Variants in LAMA3 observed in about 807,000 individuals in gnomAD.
LAMA3 encodes laminin subunit alpha-3.
In LAMA3, 281 loss-of-function variants were observed where a neutral mutation model predicts 402.0. The observed-to-expected ratio is 0.70, with a 90% CI of 0.63 to 0.77. LAMA3 has a LOEUF of 0.77. Among genes scored for constraint, LAMA3 ranks in the 30% least tolerant of loss-of-function variants. LAMA3 has a pLI of 0.00. For synonymous variants in LAMA3, 1,431 were observed against 1,558.4 expected (o/e 0.92, Z 1.93); for missense variants, 3,840 against 4,215.5 (o/e 0.91, Z 2.47).
At chr18:23,793,844 C>G (rs1027919040) in intron 12 of LAMA3, among the ~76,000 whole-genome samples, 16 of 152,198 alleles carry the variant, frequency 1.1e-4, no homozygotes, top group African/African-American at 3.6e-4. Flanking sequence ...CTTCCCTCAC[C>G]ATCAGTTGCA....
In LAMA3 at chr18:23,749,461, G is replaced by A. The variant is rs78284895; in HGVS notation, c.599G>A (p.Arg200Gln). The change falls in exon 4 of 75, where the codon CGG becomes CAG. Residue 200 changes from arginine (R) to glutamine (Q), a missense_variant. By Grantham distance (43) the Arg-to-Gln change is conservative (BLOSUM62 1). This residue lies in a region of LAMA3 where 2,109 missense variants were observed against 2,376.0 expected (regional missense o/e 0.89). Transcript: ENST00000313654. ...SKVDCLKEFG[R>Q]EANMAVTRDD... ...GTAGACTGTTTAAAAGAATTTGGGC[G>A]GGAGGCAAATATGGCTGTCACCCGG... 352 of 1,609,752 alleles carry A rather than the reference G, an allele frequency of 2.2e-4. 1 individual carries two copies. The African/African-American group carries it at 3.8e-3, about 17-fold the overall frequency.
intron 2 of LAMA3, among the ~76,000 whole-genome samples, chr18:23,744,451 A>T (rs2061613242): frequency 6.6e-6 from 1 of 152,132 alleles, no homozygotes; most frequent in Non-Finnish European, 1.5e-5. Context: ...GGACTTATTA[A>T]GTTAGGCCTG....
intron 12 of LAMA3, among the ~76,000 whole-genome samples, chr18:23,803,375 C>T (rs781008939): frequency 1.3e-5 from 2 of 152,164 alleles, no homozygotes; most frequent in Non-Finnish European, 2.9e-5. Context: ...GGATAAACTC[C>T]ATCCCTGCCC....
At chr18:23,765,551 C>T (rs544087664) in intron 8 of LAMA3, among the ~76,000 whole-genome samples, 2 of 152,300 alleles carry the variant, frequency 1.3e-5, no homozygotes, top group Admixed American at 1.3e-4. Flanking sequence ...GTCTAGGCTA[C>T]AACCCTAGAT....
At chr18:23,792,854 A>G (rs1336544802) in intron 12 of LAMA3, among the ~76,000 whole-genome samples, 1 of 152,188 alleles carries the variant, frequency 6.6e-6, no homozygotes, top group African/African-American at 2.4e-5. Context: ...CAGAGACATC[A>G]GGAGATCCCA....
chr18:23,895,095 G>C (rs1489733628), intron 44 of LAMA3, 37 bp downstream of exon 44: 1 of 1,557,910 alleles, frequency 6.4e-7, no homozygotes, highest in Non-Finnish European at 8.7e-7. Flanking sequence ...CACGTGGGGA[G>C]GAGATGCTGC....
chr18:23,728,750 G>A (rs924536617), intron 2 of LAMA3, among the ~76,000 whole-genome samples: 3 of 152,160 alleles, frequency 2.0e-5, no homozygotes, highest in East Asian at 3.9e-4. Flanking sequence ...GAAGGGAAAC[G>A]GCTGGTGCAG....
chr18:23,862,659 G>A (rs1449032168), intron 35 of LAMA3, among the ~76,000 whole-genome samples: 1 of 152,106 alleles, frequency 6.6e-6, no homozygotes, highest in Non-Finnish European at 1.5e-5. Context: ...CTATATGACG[G>A]GCCCATGTGT....
At chr18:23,891,561 G>T (rs999993989) in intron 42 of LAMA3, among the ~76,000 whole-genome samples, 1 of 152,158 alleles carries the variant, frequency 6.6e-6, no homozygotes, top group Non-Finnish European at 1.5e-5. Context: ...TGCCTCCCAT[G>T]ACATTAAGAA....
At chr18:23,891,717 G>A (rs527634008) in intron 42 of LAMA3, among the ~76,000 whole-genome samples, 1 of 152,312 alleles carries the variant, frequency 6.6e-6, no homozygotes, top group Middle Eastern at 3.4e-3. Context: ...TTAGTAGCAG[G>A]AGGTGTAAAA....
At position 23,954,814 on chromosome 18, in the gene LAMA3, T is replaced by G. The variant is rs1599199717; in HGVS notation, c.*166T>G. On this transcript the variant is annotated 3_prime_UTR_variant, in exon 75 of 75. Coordinates refer to ENST00000313654, the MANE Select transcript of LAMA3 (RefSeq NM_198129.4). The stretch of plus-strand genomic sequence containing the variant: ...CCATGGATACCCATCACTTTGGCAT[T>G]CAGTGCTACATGTGTATTTTATATA... The G allele has an allele frequency of 4.2e-6, 3 of 715,686 alleles. No homozygotes were observed. The East Asian group carries it at 7.9e-5, about 19-fold the overall frequency. The allele number at this position is 715,686 out of a possible 1,614,324, so 44.3% of individuals were successfully genotyped here. A position where few individuals can be genotyped will look rare whatever the true frequency, so the allele number is the denominator to read the frequency against.
At chr18:23,947,219 C>T (rs985968156) in intron 70 of LAMA3, among the ~76,000 whole-genome samples, 1 of 152,120 alleles carries the variant, frequency 6.6e-6, no homozygotes, top group Non-Finnish European at 1.5e-5. Context: ...TCTCCTACCC[C>T]CTGCCACAGC....
rs761730740 is a variant in LAMA3, at chr18:23,907,640, G to A, written c.6809G>A (p.Arg2270Gln). 36 of 1,613,280 alleles carry A rather than the reference G, an allele frequency of 2.2e-5. No homozygotes were observed. Among genetic ancestry groups the A allele is most frequent in the East Asian group, 6.7e-5 (3 of 44,902 alleles). ...ATAGACACCAATCTCACAACTCTCC[G>A]AGATGGTCTTCATGGGATACAGAGA... ...EVIDTNLTTL[R>Q]DGLHGIQRGD... Residue 2270 changes from arginine to glutamine, a missense_variant, in exon 53 of 75, where the codon CGA (arginine) becomes CAA (glutamine). By Grantham distance (43) the Arg-to-Gln change is conservative. Coordinates refer to ENST00000313654, the MANE Select transcript of LAMA3 (RefSeq NM_198129.4).
chr18:23,787,392 A>C (rs1265052710), intron 12 of LAMA3, among the ~76,000 whole-genome samples: 2 of 152,240 alleles, frequency 1.3e-5, no homozygotes, highest in Admixed American at 6.5e-5. Context: ...ATAGAAAAAA[A>C]TAGCCAAAGA....
chr18:23,712,607 A>C (rs140172654), intron 1 of LAMA3, among the ~76,000 whole-genome samples: 1 of 149,414 alleles, frequency 6.7e-6, no homozygotes, highest in Non-Finnish European at 1.5e-5. Context: ...ACTGCTTCTG[A>C]GTTATAGAAC....
At chr18:23,858,035 A>G in intron 33 of LAMA3, 47 bp downstream of exon 33, 3 of 1,612,232 alleles carry the variant, frequency 1.9e-6, no homozygotes, top group Non-Finnish European at 2.5e-6. Context: ...GGTCAGCAGG[A>G]AAGTGCTTCA....
At position 23,842,680 on chromosome 18, in the gene LAMA3, T is replaced by C. The variant is rs758836153; in HGVS notation, c.3533T>C (p.Ile1178Thr). The change falls in exon 29 of 75, where the codon ATT becomes ACT. Residue 1178 changes from isoleucine to threonine, a missense_variant. Coordinates refer to ENST00000313654, the MANE Select transcript of LAMA3 (RefSeq NM_198129.4). ...CRDQVIAEGQ[I>T]EFDISEPEVA... Reference sequence around the variant, plus strand: ...GATCAAGTGATTGCCGAAGGCCAGATTGAGTTTGACATCTCAGAGCCTGAA... The same window carrying C: ...GATCAAGTGATTGCCGAAGGCCAGACTGAGTTTGACATCTCAGAGCCTGAA... The C allele has an allele frequency of 5.6e-6, 9 of 1,614,086 alleles. No homozygotes were observed. Among genetic ancestry groups the C allele is most frequent in the Middle Eastern group, 1.6e-4 (1 of 6,084 alleles).
At chr18:23,835,081 G>T (rs1161920508) in intron 24 of LAMA3, among the ~76,000 whole-genome samples, 1 of 152,228 alleles carries the variant, frequency 6.6e-6, no homozygotes, top group African/African-American at 2.4e-5. Flanking sequence ...AGCGGTATCT[G>T]TCTATAGATG....
chr18:23,856,002 C>T (rs531471277), intron 32 of LAMA3, among the ~76,000 whole-genome samples: 1 of 152,294 alleles, frequency 6.6e-6, no homozygotes, highest in East Asian at 1.9e-4. Context: ...CAAATACTTA[C>T]GTGTGTGCAA....
Sources: gnomAD v4.1 joint callset for allele counts (sites outside exome capture counted in the v4.1 genomes callset) on GRCh38, gnomAD v4.1.1 for gene constraint, gnomAD v4.1.1 regional missense constraint, MANE v1.5 for transcripts, NCBI Gene and HGNC (gene_info 2026-07-23, HGNC 2026-07-21) for gene names.